Variants in RGS20 observed in about 807,000 individuals in gnomAD.
RGS20 encodes the protein regulator of G protein signaling 20.
A neutral mutation model predicts 33.6 loss-of-function variants in RGS20; 30 were observed. The observed-to-expected ratio is 0.89, with a 90% CI of 0.67 to 1.21. The LOEUF (loss-of-function observed/expected upper bound fraction) is 1.21. Among genes scored for constraint, RGS20 ranks in the 50% most tolerant of loss-of-function variants. The pLI, the probability that RGS20 is intolerant of heterozygous loss-of-function variation, is 0.00. For synonymous variants in RGS20, 208 were observed against 197.9 expected (o/e 1.05, Z -0.43); for missense variants, 472 against 502.4 (o/e 0.94, Z 0.58).
intron 2 of RGS20, among the ~76,000 whole-genome samples, chr8:53,910,439 A>G (rs1442265780): frequency 6.6e-6 from 1 of 152,158 alleles, no homozygotes; most frequent in African/African-American, 2.4e-5. Context: ...AAATCTGACA[A>G]TGTCAGCTAC....
chr8:53,905,732 G>C (rs1466079348), intron 2 of RGS20, among the ~76,000 whole-genome samples: 3 of 152,196 alleles, frequency 2.0e-5, no homozygotes, highest in Non-Finnish European at 4.4e-5. Context: ...AACCCAGGGA[G>C]AGTTTAGCAT....
At chr8:53,856,453 A>G (rs1311531506) in intron 1 of RGS20, among the ~76,000 whole-genome samples, 1 of 152,072 alleles carries the variant, frequency 6.6e-6, no homozygotes, top group Non-Finnish European at 1.5e-5. Flanking sequence ...TCCTGATCTC[A>G]TGTGATCCAC....
chr8:53,914,651 G>A (rs1415805394), intron 2 of RGS20: 1 of 152,034 alleles, frequency 6.6e-6, no homozygotes, highest in Non-Finnish European at 1.5e-5. Context: ...ATCTCATGCA[G>A]ATTCTATAGC....
intron 3 of RGS20, among the ~76,000 whole-genome samples, chr8:53,942,828 A>G (rs1814345290): frequency 3.0e-5 from 1 of 33,006 alleles, no homozygotes; most frequent in African/African-American, 1.4e-3. Flanking sequence ...GTCTCCACTA[A>G]AAAAAAAAAA....
chr8:53,931,837 G>A (rs1197839243), intron 2 of RGS20, among the ~76,000 whole-genome samples: 2 of 152,116 alleles, frequency 1.3e-5, no homozygotes, highest in East Asian at 3.9e-4. Context: ...GAAGCCATGA[G>A]AAACTGTGCC....
chr8:53,884,197 T>G (rs1353343541), intron 2 of RGS20, among the ~76,000 whole-genome samples: 1 of 143,440 alleles, frequency 7.0e-6, no homozygotes, highest in African/African-American at 2.7e-5. Context: ...CAGTCTTTTT[T>G]TTTTTTTTTT....
intron 2 of RGS20, chr8:53,881,075 C>CGGT (rs1812366258): frequency 6.5e-7 from 1 of 1,543,962 alleles, no homozygotes; most frequent in Admixed American, 2.2e-5. Flanking sequence ...GCAGGGTGGA[C>CGGT]GGTGGGCTCG....
At chr8:53,859,510 G>A (rs1187073697) in intron 1 of RGS20, among the ~76,000 whole-genome samples, 3 of 152,128 alleles carry the variant, frequency 2.0e-5, no homozygotes, top group African/African-American at 7.2e-5. Flanking sequence ...TGGCTTCCCT[G>A]CTGAAATCAA....
chr8:53,923,362 A>G (rs1178140712), intron 2 of RGS20, among the ~76,000 whole-genome samples: 4 of 152,148 alleles, frequency 2.6e-5, no homozygotes, highest in African/African-American at 9.7e-5. Context: ...TGGGAGGCCA[A>G]GGAAGGCAGG....
intron 2 of RGS20, among the ~76,000 whole-genome samples, chr8:53,887,818 A>C (rs1812592442): frequency 6.6e-6 from 1 of 151,950 alleles, no homozygotes; most frequent in Non-Finnish European, 1.5e-5. Context: ...CTCTTTAAAA[A>C]ATGCAAAAAA....
intron 2 of RGS20, among the ~76,000 whole-genome samples, chr8:53,906,611 G>A (rs1813187325): frequency 6.6e-6 from 1 of 152,202 alleles, no homozygotes; most frequent in South Asian, 2.1e-4. Context: ...CATTACTGCA[G>A]AGAACAAGGA....
chr8:53,941,215 C>T (rs1337710132), intron 3 of RGS20, among the ~76,000 whole-genome samples: 1 of 152,190 alleles, frequency 6.6e-6, no homozygotes, highest in Non-Finnish European at 1.5e-5. Flanking sequence ...GTACCTAAGA[C>T]ACTATCATCA....
intron 5 of RGS20, among the ~76,000 whole-genome samples, chr8:53,956,261 C>G (rs1468440649): frequency 6.6e-6 from 1 of 152,042 alleles, no homozygotes; most frequent in Non-Finnish European, 1.5e-5. Context: ...GGGTGCTTAC[C>G]AAACTATTAG....
intron 2 of RGS20, among the ~76,000 whole-genome samples, chr8:53,898,385 G>T (rs2129279775): frequency 6.6e-6 from 1 of 152,234 alleles, no homozygotes; most frequent in Non-Finnish European, 1.5e-5. Context: ...CTTTTGGGAG[G>T]CTGTGTTCCT....
At chr8:53,861,376 A>C (rs1811806267) in intron 1 of RGS20, among the ~76,000 whole-genome samples, 1 of 152,210 alleles carries the variant, frequency 6.6e-6, no homozygotes, top group Non-Finnish European at 1.5e-5. Flanking sequence ...CATCGGATAA[A>C]CACCCACACT....
intron 5 of RGS20, among the ~76,000 whole-genome samples, chr8:53,954,613 G>A (rs187159414): frequency 6.4e-4 from 97 of 151,760 alleles, no homozygotes; most frequent in Non-Finnish European, 1.0e-3. Context: ...GCAGTGAGCC[G>A]AGATTGTGCC....
At chr8:53,881,827 G>A (rs189856417) in intron 2 of RGS20, among the ~76,000 whole-genome samples, 1 of 152,108 alleles carries the variant, frequency 6.6e-6, no homozygotes, top group Non-Finnish European at 1.5e-5. Context: ...TTGATCTTCC[G>A]CACCCTCGGA....
chr8:53,913,558 G>A (rs1316820115), intron 2 of RGS20: 3 of 152,200 alleles, frequency 2.0e-5, no homozygotes, highest in Non-Finnish European at 4.4e-5. Flanking sequence ...ACTGGATGAA[G>A]GCGGGCCTGA....
chr8:53,905,578 C>T (rs1414796239), intron 2 of RGS20, among the ~76,000 whole-genome samples: 1 of 152,266 alleles, frequency 6.6e-6, no homozygotes, highest in Non-Finnish European at 1.5e-5. Flanking sequence ...CACTGTTGAC[C>T]AGCATTCAGC....
Sources: gnomAD v4.1 joint callset for allele counts (sites outside exome capture counted in the v4.1 genomes callset) on GRCh38, gnomAD v4.1.1 for gene constraint, MANE v1.5 for transcripts, NCBI Gene and HGNC (gene_info 2026-07-23, HGNC 2026-07-21) for gene names.